The following TRMT1L variants were observed in gnomAD, a reference collection of about 807,000 sequenced individuals.
TRMT1L encodes the protein tRNA (guanine(27)-N(2))-dimethyltransferase.
TRMT1L carries 28 observed loss-of-function variants against 81.6 expected under a neutral mutation model. That is an observed-to-expected ratio of 0.34 (90% confidence interval 0.25 to 0.47). The LOEUF is 0.47. TRMT1L is among the 20% of genes least tolerant of loss of function. The probability of loss-of-function intolerance (pLI) is 1.00; values close to 1 mark genes in which losing one functional copy is unlikely to be tolerated. For synonymous variants in TRMT1L, 301 were observed against 303.2 expected, an observed-to-expected ratio of 0.99 and a Z score of 0.07; for missense variants, 739 against 877.1, an observed-to-expected ratio of 0.84 and a Z score of 1.99.
chr1:185,145,943 A>G lies in TRMT1L; in HGVS notation c.526-375T>C, dbSNP rs139992166. 3.6e-3 allele frequency among the ~76,000 whole-genome samples: 550 copies of G among 152,102 alleles called. 1 individual carries two copies. The highest frequency in any genetic ancestry group is 0.029 in the South Asian group (138 of 4,830). The stretch of plus-strand genomic sequence containing the variant: ...GTATTTGCAGATTTCTGTGGCATAA[A>G]TACTCTGCTATAGCCAATTTCAAGC... On this transcript the variant is annotated intron_variant, in intron 4 of 14. Coordinates refer to ENST00000367506, the MANE Select transcript of TRMT1L (RefSeq NM_030934.5).
At position 185,147,214 on chromosome 1, in the gene TRMT1L, G is replaced by A. The variant is rs1653210898; in HGVS notation, c.493C>T (p.Arg165Ter). The change falls in exon 4 of 15, where the codon CGA becomes TGA. Residue 165 changes from arginine to a stop codon, truncating the protein, a stop_gained. Coordinates refer to ENST00000367506, the MANE Select transcript of TRMT1L (RefSeq NM_030934.5). LOFTEE classifies it high-confidence loss of function. Reference protein sequence around the residue: ...YRMCICHLPCRPVKPNIIGEQ... With the variant: ...YRMCICHLPC ...CCAATAATGTTTGGTTTCACTGGTC[G>A]ACAAGGTAAGTGACAGATGCACATC... 1 of 1,610,150 alleles carries A rather than the reference G, an allele frequency of 6.2e-7. No individual in the cohort carries two copies. The highest frequency in any genetic ancestry group is 1.3e-5 in the African/African-American group (1 of 74,768).
chr1:185,139,219 C>A, intron 9 of TRMT1L, 148 bp downstream of exon 9: 1 of 574,060 alleles, frequency 1.7e-6, no homozygotes, highest in Non-Finnish European at 2.9e-6. Flanking sequence ...ACAACAGATA[C>A]CACGTAAGAT....
At chr1:185,132,070 G>A (rs1228759163) in intron 10 of TRMT1L, among the ~76,000 whole-genome samples, 1 of 152,050 alleles carries the variant, frequency 6.6e-6, no homozygotes, top group African/African-American at 2.4e-5. Context: ...GAACCTGGGA[G>A]GCAGAGGTTG....
At chr1:185,122,791 T>C (rs1652532539) in intron 13 of TRMT1L, among the ~76,000 whole-genome samples, 1 of 151,434 alleles carries the variant, frequency 6.6e-6, no homozygotes, top group South Asian at 2.1e-4. Context: ...TTCAGGCAAT[T>C]CTCCCACCTC....
At chr1:185,156,060 G>A (rs1012423017) in intron 1 of TRMT1L, among the ~76,000 whole-genome samples, 4 of 152,206 alleles carry the variant, frequency 2.6e-5, no homozygotes, top group Non-Finnish European at 2.9e-5. Context: ...AATGTTGGCA[G>A]CTAGGATCTA....
Position 185,120,108 on chromosome 1 carries a change from C to T in TRMT1L, c.2113G>A (p.Val705Ile). The change falls in exon 15 of 15, where the codon GTC (valine) becomes ATC (isoleucine). Residue 705 changes from valine to isoleucine, a missense_variant. By Grantham distance (29) the Val-to-Ile change is conservative (BLOSUM62 3). This residue lies in a region of TRMT1L where 196 missense variants were observed against 232.6 expected (regional missense o/e 0.84). Coordinates refer to ENST00000367506, the MANE Select transcript of TRMT1L (RefSeq NM_030934.5). ...TYTGGQSESH[V>I]QSASEDTVTE... ...ACTGTATCTTCAGATGCTGACTGGA[C>T]ATGGCTTTCTGACTGTCCTCCAGTG... 6.2e-7 allele frequency: 1 copy of T among 1,613,960 alleles called. No individual in the cohort carries two copies. Among genetic ancestry groups the T allele is most frequent in the Non-Finnish European group, 8.5e-7 (1 of 1,179,914 alleles).
intron 12 of TRMT1L, 158 bp downstream of exon 12, chr1:185,124,785 TA>T (rs992359184): frequency 2.8e-4 from 157 of 568,002 alleles, no homozygotes; most frequent in Middle Eastern, 5.4e-4. Context: ...ACTATGTAAT[TA>T]AAAAAAAACC....
At position 185,128,607 on chromosome 1, in the gene TRMT1L, C is replaced by A. The variant is rs112042852; in HGVS notation, c.1592+62G>T. On this transcript the variant is annotated intron_variant, in intron 11 of 14. Transcript: ENST00000367506. ...GTCTTTTACCACACATAATAAAAATCAGCAATTAATAAATCAATCAATACA... is the reference window on the plus strand; with the variant it reads ...GTCTTTTACCACACATAATAAAAATAAGCAATTAATAAATCAATCAATACA... 1.1e-4 allele frequency: 158 copies of A among 1,459,862 alleles called. No homozygotes were observed. The African/African-American group carries it at 2.1e-3, about 19-fold the overall frequency. 90.4% of individuals were successfully genotyped at this position (1,459,862 alleles called of 1,614,324 possible).
intron 10 of TRMT1L, among the ~76,000 whole-genome samples, chr1:185,134,512 C>T (rs1384178519): frequency 6.6e-6 from 1 of 152,130 alleles, no homozygotes. Flanking sequence ...CTATGTATTA[C>T]AAATTGATAA....
rs765658887 is a variant in TRMT1L, at chr1:185,124,939, G to A, written c.1759+5C>T. 6.2e-7 allele frequency: 1 copy of A among 1,607,784 alleles called. No homozygotes were observed. Among genetic ancestry groups the A allele is most frequent in the Admixed American group, 1.7e-5 (1 of 59,730 alleles). On this transcript the variant is annotated splice_donor_5th_base_variant and intron_variant, in intron 12 of 14. Coordinates refer to ENST00000367506, the MANE Select transcript of TRMT1L (RefSeq NM_030934.5). ...AAGCTAGTAAGCTAGCGTTCAGTTA[G>A]TCACCTTGCTTGTTGACATTTGAAG...
chr1:185,139,948 G>T, intron 8 of TRMT1L, 25 bp downstream of exon 8: 1 of 1,584,492 alleles, frequency 6.3e-7, no homozygotes, highest in South Asian at 1.2e-5. Context: ...TTTAGAAAGT[G>T]ACACGGCAAG....
chr1:185,126,998 A>G (rs533536851), intron 11 of TRMT1L, among the ~76,000 whole-genome samples: 92 of 152,366 alleles, frequency 6.0e-4, no homozygotes, highest in African/African-American at 2.1e-3. Flanking sequence ...TTCTGCCTCA[A>G]AAATAAAAAA....
intron 1 of TRMT1L, among the ~76,000 whole-genome samples, 180 bp downstream of exon 1, chr1:185,156,298 T>C (rs1206191431): frequency 6.6e-6 from 1 of 152,234 alleles, no homozygotes; most frequent in Non-Finnish European, 1.5e-5. Context: ...CTTATGAAGA[T>C]GCCGTCTCCC....
chr1:185,155,599 T>C (rs893972634), intron 1 of TRMT1L, among the ~76,000 whole-genome samples: 7 of 152,196 alleles, frequency 4.6e-5, no homozygotes, highest in Admixed American at 1.3e-4. Flanking sequence ...GAATTAAAGA[T>C]TATTTTAAGT....
chr1:185,123,669 A>G (rs1236324139), intron 13 of TRMT1L, among the ~76,000 whole-genome samples, 188 bp downstream of exon 13: 2 of 152,196 alleles, frequency 1.3e-5, no homozygotes, highest in African/African-American at 4.8e-5. Flanking sequence ...ATGTGAACAA[A>G]GCATATGTTA....
At chr1:185,124,721 A>C (rs920559785) in intron 12 of TRMT1L, 1 of 295,244 alleles carries the variant, frequency 3.4e-6, no homozygotes, top group Non-Finnish European at 6.1e-6. Context: ...AAAACCAACA[A>C]CACTATTCAT....
chr1:185,144,166 G>C, intron 5 of TRMT1L, 137 bp from the exon 6 acceptor site: 1 of 982,664 alleles, frequency 1.0e-6, no homozygotes, highest in Non-Finnish European at 1.4e-6. Context: ...ATATTATTTT[G>C]TGTTAATGCA....
At chr1:185,120,658 C>T (rs1378721049) in intron 13 of TRMT1L, 149 bp from the exon 14 acceptor site, 12 of 683,828 alleles carry the variant, frequency 1.8e-5, no homozygotes, top group Non-Finnish European at 2.2e-5. Context: ...TCTATTTTCA[C>T]GGTCCTTCAC....
chr1:185,137,430 T>G lies in TRMT1L; in HGVS notation c.1513+176A>C, dbSNP rs146825381. On this transcript the variant is annotated intron_variant, in intron 10 of 14. Coordinates refer to ENST00000367506, the MANE Select transcript of TRMT1L (RefSeq NM_030934.5). ...ATTGTACAGCATGAGTAAATAACTTTAATAAACTCACACGAATGTCTTGTC... is the reference window on the plus strand; with the variant it reads ...ATTGTACAGCATGAGTAAATAACTTGAATAAACTCACACGAATGTCTTGTC... The G allele has an allele frequency of 2.8e-4, 207 of 730,528 alleles. No individual in the cohort carries two copies. In the East Asian group the frequency reaches 2.9e-3, roughly 10 times the overall value. 45.3% of individuals were successfully genotyped at this position (730,528 alleles called of 1,614,324 possible).
Sources: gnomAD v4.1 joint callset for allele counts (sites outside exome capture counted in the v4.1 genomes callset) on GRCh38, gnomAD v4.1.1 for gene constraint, gnomAD v4.1.1 regional missense constraint, MANE v1.5 for transcripts, NCBI Gene and HGNC (gene_info 2026-07-23, HGNC 2026-07-21) for gene names.